TLK2: variants seen among roughly 807,000 people sequenced by gnomAD.
TLK2 encodes serine/threonine-protein kinase tousled-like 2.
TLK2 carries 6 observed loss-of-function variants against 117.3 expected under a neutral mutation model. The observed-to-expected ratio is 0.05, with a 90% CI of 0.03 to 0.10. TLK2 has a LOEUF of 0.10. Among genes scored for constraint, TLK2 ranks in the 10% least tolerant of loss-of-function variants. The pLI, the probability that TLK2 is intolerant of heterozygous loss-of-function variation, is 1.00. For missense variants in TLK2, 299 were observed against 901.2 expected (o/e 0.33, Z 8.56); for synonymous variants, 257 against 316.7 (o/e 0.81, Z 2.00).
chr17:62,568,079 G>A (rs1236130357), intron 11 of TLK2, among the ~76,000 whole-genome samples: 3 of 152,054 alleles, frequency 2.0e-5, no homozygotes, highest in Non-Finnish European at 4.4e-5. Context: ...ACAGTCCATG[G>A]CAAGGCAATA....
chr17:62,580,882 AG>A (rs1455349310), intron 15 of TLK2, among the ~76,000 whole-genome samples: 2 of 152,358 alleles, frequency 1.3e-5, no homozygotes, highest in East Asian at 3.9e-4. Context: ...TTTCACTGTT[AG>A]GATTTATGTT....
chr17:62,557,995 T>C (rs1403166704), intron 9 of TLK2, among the ~76,000 whole-genome samples: 1 of 152,040 alleles, frequency 6.6e-6, no homozygotes, highest in Non-Finnish European at 1.5e-5. Context: ...GCTGCCTTGT[T>C]TTTAGGTTGA....
intron 17 of TLK2, among the ~76,000 whole-genome samples, chr17:62,599,628 T>C (rs1275363525): frequency 2.6e-5 from 4 of 152,202 alleles, no homozygotes; most frequent in African/African-American, 9.6e-5. Context: ...CCTGCTTGCC[T>C]GAGGGTGCTA....
upstream of TLK2, among the ~76,000 whole-genome samples, chr17:62,475,551 G>A (rs150604290): frequency 6.3e-3 from 952 of 151,982 alleles, 8 homozygotes; most frequent in African/African-American, 0.02. Context: ...TCACCATGTT[G>A]GCCAGGCTGG....
upstream of TLK2, among the ~76,000 whole-genome samples, chr17:62,475,369 A>G (rs2071018349): frequency 6.6e-6 from 1 of 152,122 alleles, no homozygotes; most frequent in East Asian, 1.9e-4. Flanking sequence ...TTTTAGAGAG[A>G]GGCCTGCTGT....
intron 2 of TLK2, among the ~76,000 whole-genome samples, chr17:62,488,820 A>ATTTTTTT (rs36026309): frequency 8.0e-5 from 8 of 99,774 alleles, no homozygotes; most frequent in South Asian, 3.4e-4. Flanking sequence ...GGCCTTGAAG[A>ATTTTTTT]TTTTTTTTTT....
chr17:62,549,165 G>T (rs1302373707), intron 7 of TLK2, among the ~76,000 whole-genome samples: 1 of 148,440 alleles, frequency 6.7e-6, no homozygotes, highest in African/African-American at 2.5e-5. Flanking sequence ...AGGCCGAGGT[G>T]GGGGGATCAT....
At chr17:62,564,844 A>G (rs982539420) in intron 10 of TLK2, among the ~76,000 whole-genome samples, 157 bp from the exon 11 acceptor site, 1 of 152,208 alleles carries the variant, frequency 6.6e-6, no homozygotes, top group Non-Finnish European at 1.5e-5. Flanking sequence ...TTGAATAGGA[A>G]TAGTTAGTCA....
At chr17:62,596,485 G>T (rs2082489932) in intron 16 of TLK2, 100 bp from the exon 17 acceptor site, 1 of 879,036 alleles carries the variant, frequency 1.1e-6, no homozygotes, top group East Asian at 2.4e-5. Flanking sequence ...ATTAACATGT[G>T]GAGACAATAG....
chr17:62,527,393 C>T (rs1406979891), intron 6 of TLK2, among the ~76,000 whole-genome samples: 1 of 152,046 alleles, frequency 6.6e-6, no homozygotes, highest in Admixed American at 6.6e-5. Context: ...GTCTACAGTT[C>T]GCATGAATTT....
intron 12 of TLK2, chr17:62,574,550 C>T: frequency 1.6e-6 from 1 of 614,434 alleles, no homozygotes; most frequent in Admixed American, 2.7e-5. Context: ...CGAAGTCTCA[C>T]TCCGTCGCCC....
intron 7 of TLK2, among the ~76,000 whole-genome samples, chr17:62,538,777 A>G (rs1307272774): frequency 1.9e-4 from 29 of 152,344 alleles, no homozygotes; most frequent in Admixed American, 1.3e-4. Flanking sequence ...ATGCTCTGGT[A>G]CAGTTTTGTT....
intron 2 of TLK2, among the ~76,000 whole-genome samples, chr17:62,514,869 G>A (rs2075445741): frequency 1.3e-5 from 2 of 152,112 alleles, no homozygotes; most frequent in Admixed American, 6.5e-5. Context: ...GTGAGCCACC[G>A]CGCCCAGCCC....
chr17:62,481,351 AC>A (rs1451361555), intron 2 of TLK2, 145 bp downstream of exon 2: 1 of 793,704 alleles, frequency 1.3e-6, no homozygotes, highest in African/African-American at 1.7e-5. Context: ...TTTAGATCCT[AC>A]TGGTCATTCC....
rs1238332677 is a variant in TLK2, at chr17:62,613,291, A to T, written c.*726A>T. The T allele has an allele frequency of 2.6e-5, 4 of 152,550 alleles. No homozygotes were observed. Among genetic ancestry groups the T allele is most frequent in the Non-Finnish European group, 5.9e-5 (4 of 68,028 alleles). The allele number at this position is 152,550 out of a possible 1,614,324, so 9.4% of individuals were successfully genotyped here. ...TCTCCTGTTTGCAATTGCTTCCCTC[A>T]TCTCAGTAGGGAAAAAATTGAGTGG... On this transcript the variant is annotated 3_prime_UTR_variant, in exon 22 of 22. Coordinates refer to ENST00000346027, the MANE Select transcript of TLK2 (RefSeq NM_006852.6).
chr17:62,587,831 T>A (rs1423447623), intron 16 of TLK2, among the ~76,000 whole-genome samples: 1 of 152,116 alleles, frequency 6.6e-6, no homozygotes, highest in Non-Finnish European at 1.5e-5. Flanking sequence ...CATGTTGTTC[T>A]GACCAGTTAT....
intron 15 of TLK2, among the ~76,000 whole-genome samples, chr17:62,581,135 C>A (rs2081187366): frequency 6.6e-6 from 1 of 152,096 alleles, no homozygotes; most frequent in African/African-American, 2.4e-5. Flanking sequence ...GCCTCAACCT[C>A]TTGAGTAGCT....
chr17:62,525,852 CTG>C (rs1480005585), intron 6 of TLK2, among the ~76,000 whole-genome samples: 1 of 152,188 alleles, frequency 6.6e-6, no homozygotes, highest in African/African-American at 2.4e-5. Context: ...GCCTGTGTCT[CTG>C]TTTTTCTTAA....
At chr17:62,526,597 T>G (rs2076379412) in intron 6 of TLK2, among the ~76,000 whole-genome samples, 1 of 152,174 alleles carries the variant, frequency 6.6e-6, no homozygotes, top group African/African-American at 2.4e-5. Context: ...CATTTCCACT[T>G]GTACTGCTTG....
Sources: allele counts gnomAD v4.1 joint callset (sites outside exome capture counted in the v4.1 genomes callset), GRCh38; gene constraint gnomAD v4.1.1; transcripts MANE v1.5; gene names NCBI Gene and HGNC (gene_info 2026-07-23, HGNC 2026-07-21).